DUS2: variants seen among roughly 807,000 people sequenced by gnomAD.
The protein encoded by DUS2 is dihydrouridine synthase 2.
In DUS2, 52 loss-of-function variants were observed where a neutral mutation model predicts 71.3. The ratio of observed to expected loss-of-function variants is 0.73; its 90% CI spans 0.58 to 0.92. The LOEUF (loss-of-function observed/expected upper bound fraction) is 0.92. Ranked by LOEUF, DUS2 falls within the 40% of genes least tolerant of loss-of-function variation. DUS2 has a pLI of 0.00. For synonymous variants in DUS2, 204 were observed against 227.8 expected, an observed-to-expected ratio of 0.90 and a Z score of 0.94; for missense variants, 558 against 622.6, an observed-to-expected ratio of 0.90 and a Z score of 1.10.
At chr16:68,044,602 G>A (rs1429157698) in intron 3 of DUS2, among the ~76,000 whole-genome samples, 2 of 151,750 alleles carry the variant, frequency 1.3e-5, no homozygotes, top group African/African-American at 4.8e-5. Context: ...TCACCATGTT[G>A]CCCAGGCTGG....
At chr16:68,057,052 A>ATAT (rs548154452) in intron 7 of DUS2, among the ~76,000 whole-genome samples, 3 of 137,996 alleles carry the variant, frequency 2.2e-5, no homozygotes, top group African/African-American at 5.4e-5. Context: ...ATATATTTAT[A>ATAT]TATATATGTA....
chr16:68,076,682 G>A lies in DUS2; in HGVS notation c.1133G>A (p.Cys378Tyr). ...ITPKMCLLEW[C>Y]RREKLAQPVY... Reference sequence around the variant, plus strand: ...CCTAAGATGTGCCTACTAGAGTGGTGCCGGAGGGAGAAGTTGGCACAGCCT... The same window carrying A: ...CCTAAGATGTGCCTACTAGAGTGGTACCGGAGGGAGAAGTTGGCACAGCCT... The change falls in exon 15 of 17, where the codon TGC becomes TAC. Residue 378 changes from cysteine (C) to tyrosine (Y), a missense_variant. Cys to Tyr is a radical substitution (Grantham distance 194). Coordinates refer to ENST00000565263, the MANE Select transcript of DUS2 (RefSeq NM_017803.5). The A allele has an allele frequency of 6.2e-7, 1 of 1,614,128 alleles. No homozygotes were observed. The highest frequency in any genetic ancestry group is 8.5e-7 in the Non-Finnish European group (1 of 1,179,970).
rs144632940 is a variant in DUS2, at chr16:68,048,012, A to C, written c.127-1493A>C. Among the ~76,000 whole-genome samples, 550 of 152,222 alleles carry C rather than the reference A, an allele frequency of 3.6e-3. 6 individuals carry two copies. The highest frequency in any genetic ancestry group is 0.012 in the African/African-American group (508 of 41,542). ...TGCCCAGGCTGGTCTTGAACTCCTG[A>C]GCTCAAGTGATCCTCCTGCTTTGGT... On this transcript the variant is annotated intron_variant, in intron 3 of 16. Coordinates refer to ENST00000565263, the MANE Select transcript of DUS2 (RefSeq NM_017803.5).
intron 12 of DUS2, among the ~76,000 whole-genome samples, chr16:68,071,486 G>A (rs2034086486): frequency 2.0e-5 from 3 of 152,202 alleles, no homozygotes; most frequent in Non-Finnish European, 2.9e-5. Flanking sequence ...AAAGGCATAT[G>A]TGCCTATAGG....
chr16:68,065,636 A>AAAAC (rs370084868), intron 8 of DUS2, among the ~76,000 whole-genome samples: 3,225 of 151,970 alleles, frequency 0.021, 39 homozygotes, highest in African/African-American at 0.027. Flanking sequence ...GTCTCAAAAC[A>AAAAC]AAACAAACAA....
intron 2 of DUS2, among the ~76,000 whole-genome samples, chr16:68,035,113 C>G (rs1469781149): frequency 6.6e-6 from 1 of 152,122 alleles, no homozygotes; most frequent in Admixed American, 6.6e-5. Context: ...TAGAATGTGA[C>G]CACTTCTCAA....
chr16:68,075,042 G>T (rs572683723), intron 13 of DUS2, among the ~76,000 whole-genome samples: 5 of 152,292 alleles, frequency 3.3e-5, no homozygotes, highest in South Asian at 4.1e-4. Context: ...ACTCAGTCAC[G>T]GCTGGCTGGG....
intron 3 of DUS2, among the ~76,000 whole-genome samples, chr16:68,039,025 C>G (rs2033579854): frequency 6.6e-6 from 1 of 151,654 alleles, no homozygotes; most frequent in East Asian, 1.9e-4. Context: ...GTAGTGAGAC[C>G]CTGTCTCTAC....
chr16:68,037,137 T>G (rs1240723615), intron 2 of DUS2, among the ~76,000 whole-genome samples: 1 of 152,010 alleles, frequency 6.6e-6, no homozygotes, highest in Non-Finnish European at 1.5e-5. Flanking sequence ...AAAAAATGAT[T>G]GAAAACTGCC....
At chr16:68,038,375 G>C (rs1400356688) in intron 3 of DUS2, among the ~76,000 whole-genome samples, 1 of 152,262 alleles carries the variant, frequency 6.6e-6, no homozygotes, top group Non-Finnish European at 1.5e-5. Flanking sequence ...CCCTGGGCCG[G>C]GTGGATAGAT....
chr16:68,058,089 T>C (rs775492443), intron 7 of DUS2, among the ~76,000 whole-genome samples: 1 of 151,702 alleles, frequency 6.6e-6, no homozygotes, highest in African/African-American at 2.4e-5. Flanking sequence ...GAATATGAGG[T>C]AGACACAGGG....
intron 2 of DUS2, among the ~76,000 whole-genome samples, chr16:68,035,531 T>C (rs1460950836): frequency 6.6e-6 from 1 of 151,848 alleles, no homozygotes; most frequent in Non-Finnish European, 1.5e-5. Context: ...CATAGGCATA[T>C]GCCACCATGC....
Position 68,070,964 on chromosome 16 carries a change from A to T in DUS2, c.666A>T (p.Gln222His). 1 of 1,614,198 alleles carries T rather than the reference A, an allele frequency of 6.2e-7. No homozygotes were observed. The highest frequency in any genetic ancestry group is 8.5e-7 in the Non-Finnish European group (1 of 1,180,050). ...GCGGAGGATCTCATGACCACATCCA[A>T]CAGTATTCGGACATAGAGGACTTTC... The part of the protein sequence containing the change: ...IANGGSHDHI[Q>H]QYSDIEDFRQ... The change falls in exon 12 of 17, where the codon CAA (glutamine) becomes CAT (histidine). Residue 222 changes from glutamine (Q) to histidine (H), a missense_variant. Coordinates refer to ENST00000565263, the MANE Select transcript of DUS2 (RefSeq NM_017803.5).
chr16:68,071,426 C>T (rs778900059), intron 12 of DUS2, among the ~76,000 whole-genome samples: 1 of 152,160 alleles, frequency 6.6e-6, no homozygotes, highest in Non-Finnish European at 1.5e-5. Context: ...TTTTCTCACA[C>T]GCTGCACATA....
chr16:68,076,505 A>T, intron 14 of DUS2, 127 bp from the exon 15 acceptor site: 3 of 680,172 alleles, frequency 4.4e-6, no homozygotes, highest in South Asian at 1.9e-5. Context: ...CAGAAGCCTT[A>T]AGGCAGCAGC....
intron 3 of DUS2, among the ~76,000 whole-genome samples, chr16:68,043,813 T>A (rs959425935): frequency 6.6e-6 from 1 of 152,112 alleles, no homozygotes; most frequent in Non-Finnish European, 1.5e-5. Context: ...TACAGGTGCA[T>A]GCCCCCATGC....
At chr16:68,076,145 C>A (rs1300282738) in intron 14 of DUS2, among the ~76,000 whole-genome samples, 2 of 152,172 alleles carry the variant, frequency 1.3e-5, no homozygotes, top group Admixed American at 1.3e-4. Flanking sequence ...CACTGTGTCA[C>A]CCTGTCACAG....
intron 2 of DUS2, among the ~76,000 whole-genome samples, chr16:68,032,446 G>A (rs910760994): frequency 1.3e-5 from 2 of 152,170 alleles, no homozygotes. Flanking sequence ...CAGTCAGTGT[G>A]GACACATGGA....
At chr16:68,061,651 GT>G (rs1242757084) in intron 8 of DUS2, among the ~76,000 whole-genome samples, 1 of 152,218 alleles carries the variant, frequency 6.6e-6, no homozygotes, top group Non-Finnish European at 1.5e-5. Flanking sequence ...TGGTGATTCT[GT>G]AGGCTAGCTT....
Sources: gnomAD v4.1 joint callset for allele counts (sites outside exome capture counted in the v4.1 genomes callset) on GRCh38, gnomAD v4.1.1 for gene constraint, MANE v1.5 for transcripts, NCBI Gene and HGNC (gene_info 2026-07-23, HGNC 2026-07-21) for gene names.